PLAGL1: variants seen among roughly 807,000 people sequenced by gnomAD.
The protein encoded by PLAGL1 is zinc finger protein PLAGL1.
A neutral mutation model predicts 4.6 loss-of-function variants in PLAGL1; 1 was observed. That is an observed-to-expected ratio of 0.22 (90% confidence interval 0.08 to 1.03). The LOEUF (loss-of-function observed/expected upper bound fraction) is 1.03. Among genes scored for constraint, PLAGL1 ranks in the 50% least tolerant of loss-of-function variants. PLAGL1 has a pLI of 0.58. For synonymous variants in PLAGL1, 240 were observed against 237.8 expected (o/e 1.01, Z -0.08); for missense variants, 464 against 570.4 (o/e 0.81, Z 1.90).
rs1791846764 is a variant in PLAGL1, at chr6:143,997,286, G to A, written c.-584+10804C>T. ...GCCTAACAATTCTAGTCTCAGATTTGTTCCTTGGCAAAATACTGCAAATGT... is the reference window on the plus strand; with the variant it reads ...GCCTAACAATTCTAGTCTCAGATTTATTCCTTGGCAAAATACTGCAAATGT... On this transcript the variant is annotated intron_variant, in intron 1 of 7. Transcript: ENST00000674357. This position sits in a 1 kb window ranked among gnomAD's most constrained non-coding sequence, Gnocchi z 4.6. Among the ~76,000 whole-genome samples the A allele has an allele frequency of 1.3e-5, 2 of 152,168 alleles. No individual in the cohort carries two copies.
At chr6:144,030,281 A>AAAAGAAG (rs1296064916) in intron 1 of PLAGL1, among the ~76,000 whole-genome samples, 2 of 132,902 alleles carry the variant, frequency 1.5e-5, no homozygotes, top group African/African-American at 6.3e-5. Context: ...AAAAAAAAAA[A>AAAAGAAG]AAGAAGATGT....
chr6:144,030,509 C>T (rs1048485854), intron 1 of PLAGL1, among the ~76,000 whole-genome samples: 1 of 152,140 alleles, frequency 6.6e-6, no homozygotes, highest in Admixed American at 6.5e-5. Flanking sequence ...CCAACCTTTT[C>T]CCCCAAGTCC....
At chr6:143,946,049 G>T (rs1455452426) in intron 7 of PLAGL1, among the ~76,000 whole-genome samples, 3 of 151,686 alleles carry the variant, frequency 2.0e-5, no homozygotes, top group Non-Finnish European at 2.9e-5. Flanking sequence ...AACATGCGGG[G>T]TACTGATTCT....
At position 144,055,779 on chromosome 6, in the gene PLAGL1, C is replaced by T. The variant is rs546326383; in HGVS notation, c.-151+8689G>A. ...GTGAAAGCTACATTTACATTATTAA[C>T]GATAACAAGTCCTGGAAGAAAGAAC... On this transcript the variant is annotated intron_variant, in intron 1 of 3. Transcript: ENST00000437412. This position sits in a 1 kb window ranked among gnomAD's most constrained non-coding sequence, Gnocchi z 5.0. Among the ~76,000 whole-genome samples, 41 of 152,268 alleles carry T rather than the reference C, an allele frequency of 2.7e-4. 1 individual carries two copies. The highest frequency in any genetic ancestry group is 9.4e-4 in the African/African-American group (39 of 41,540).
chr6:143,942,800 T>G lies in PLAGL1; in HGVS notation c.153-137A>C. 1.6e-6 allele frequency: 1 copy of G among 616,000 alleles called. No individual in the cohort carries two copies. Among genetic ancestry groups the G allele is most frequent in the Non-Finnish European group, 2.7e-6 (1 of 370,578 alleles). 38.2% of individuals were successfully genotyped at this position (616,000 alleles called of 1,614,324 possible). A position where few individuals can be genotyped will look rare whatever the true frequency, so the allele number is the denominator to read the frequency against. ...ATTTTCAAAATTCTTTCATATATTTTCCAAATATATAAACTTTTATAATTA... is the reference window on the plus strand; with the variant it reads ...ATTTTCAAAATTCTTTCATATATTTGCCAAATATATAAACTTTTATAATTA... On this transcript the variant is annotated intron_variant, in intron 7 of 7. Transcript: ENST00000674357. This position sits in a 1 kb window ranked among gnomAD's most constrained non-coding sequence, Gnocchi z 7.6.
chr6:144,027,234 CGAAAGAAAGAAAGAAA>C lies in PLAGL1; in HGVS notation c.-151+37218_-151+37233del, dbSNP rs67928472. Among the ~76,000 whole-genome samples, 2,852 of 111,634 alleles carry C rather than the reference CGAAAGAAAGAAAGAAA, an allele frequency of 0.026. 70 individuals carry two copies. The highest frequency in any genetic ancestry group is 0.064 in the Middle Eastern group (15 of 236). The allele number at this position is 111,634 out of a possible 152,430, so 73.2% of individuals were successfully genotyped here. A position where few individuals can be genotyped will look rare whatever the true frequency, so the allele number is the denominator to read the frequency against. On this transcript the variant is annotated intron_variant, in intron 1 of 3. Transcript: ENST00000437412. This position sits in a 1 kb window ranked among gnomAD's most constrained non-coding sequence, Gnocchi z 5.8. ...GAAAGACCCCAACTCAAAGAACGAA[CGAAAGAAAGAAAGAAA>C]GAAAGAAAGAAAGAAAGAAAGAAAG...
At position 144,000,343 on chromosome 6, in the gene PLAGL1, T is replaced by C. The variant is rs1408902864; in HGVS notation, c.-584+7747A>G. Among the ~76,000 whole-genome samples, 1 of 152,116 alleles carries C rather than the reference T, an allele frequency of 6.6e-6. No individual in the cohort carries two copies. Among genetic ancestry groups the C allele is most frequent in the Non-Finnish European group, 1.5e-5 (1 of 67,976 alleles). On this transcript the variant is annotated intron_variant, in intron 1 of 7. Coordinates refer to ENST00000674357, the MANE Select transcript of PLAGL1 (RefSeq NM_001317162.2). The surrounding 1 kb of genome is among the most constrained non-coding windows in gnomAD (Gnocchi z 4.1). ...AAAGAAAAAAATCATTTCTTGCAAA[T>C]TATGTATTTATGTAAATGGAAATAT...
In PLAGL1 at chr6:143,947,912, C is replaced by T; in HGVS notation, c.152+73G>A. On this transcript the variant is annotated intron_variant, in intron 7 of 7. Transcript: ENST00000674357. This position sits in a 1 kb window ranked among gnomAD's most constrained non-coding sequence, Gnocchi z 4.3. ...ATCCTGTGTCCCTTTCCCCTTGCAT[C>T]GTGTGGTCTGAGGGCTAGAAAAGCC... 2.4e-6 allele frequency: 3 copies of T among 1,256,372 alleles called. No individual in the cohort carries two copies. Among genetic ancestry groups the T allele is most frequent in the Non-Finnish European group, 3.4e-6 (3 of 871,716 alleles). The allele number at this position is 1,256,372 out of a possible 1,614,324, so 77.8% of individuals were successfully genotyped here. A position where few individuals can be genotyped will look rare whatever the true frequency, so the allele number is the denominator to read the frequency against.
intron 1 of PLAGL1, among the ~76,000 whole-genome samples, chr6:143,996,315 G>C (rs970902292): frequency 1.3e-5 from 2 of 152,170 alleles, no homozygotes; most frequent in Admixed American, 6.5e-5. Flanking sequence ...GACCAAGAAG[G>C]CTTCAATGAG....
In PLAGL1 at chr6:143,973,595, G is replaced by A. The variant is rs1011850202; in HGVS notation, c.-543-4617C>T. ...TCCTCCATCCTACAACCCTACAAGC[G>A]ATAGTCTCACTGAACAATCTGCAAC... On this transcript the variant is annotated intron_variant, in intron 2 of 7. Transcript: ENST00000674357. The surrounding 1 kb of genome is among the most constrained non-coding windows in gnomAD (Gnocchi z 6.2). Among the ~76,000 whole-genome samples, 1 of 152,088 alleles carries A rather than the reference G, an allele frequency of 6.6e-6. No individual in the cohort carries two copies. The highest frequency in any genetic ancestry group is 1.5e-5 in the Non-Finnish European group (1 of 68,018).
rs900073261 is a variant in PLAGL1 at position 143,953,042 on chromosome 6, A to G, written c.-324-4582T>C. Reference sequence around the variant, plus strand: ...GGATCACTCCACTTGCTGTTTCCTTAAAGTGCTACTTTCTCTCACGCTTCT... The same window carrying G: ...GGATCACTCCACTTGCTGTTTCCTTGAAGTGCTACTTTCTCTCACGCTTCT... On this transcript the variant is annotated intron_variant, in intron 6 of 7. Transcript: ENST00000674357. The surrounding 1 kb of genome is among the most constrained non-coding windows in gnomAD (Gnocchi z 5.3). Among the ~76,000 whole-genome samples, 37 of 152,216 alleles carry G rather than the reference A, an allele frequency of 2.4e-4. No homozygotes were observed. Among genetic ancestry groups the G allele is most frequent in the Non-Finnish European group, 1.5e-5 (1 of 68,032 alleles).
rs1305501738 is a variant in PLAGL1, at chr6:143,945,908, C to T, written c.152+2077G>A. Among the ~76,000 whole-genome samples the T allele has an allele frequency of 1.3e-5, 2 of 152,202 alleles. No homozygotes were observed. The stretch of plus-strand genomic sequence containing the variant: ...GCGGTTCTTGCATAAAGTACACTGA[C>T]AGCTTCCCTTTTTGCCTCTCTTTAC... On this transcript the variant is annotated intron_variant, in intron 7 of 7. Coordinates refer to ENST00000674357, the MANE Select transcript of PLAGL1 (RefSeq NM_001317162.2). This position sits in a 1 kb window ranked among gnomAD's most constrained non-coding sequence, Gnocchi z 4.2.
chr6:144,051,242 T>C (rs1798562418), intron 1 of PLAGL1, among the ~76,000 whole-genome samples: 1 of 152,146 alleles, frequency 6.6e-6, no homozygotes, highest in Admixed American at 6.5e-5. Context: ...GAAACCACAA[T>C]AAGCAAAAGT....
intron 1 of PLAGL1, among the ~76,000 whole-genome samples, chr6:144,043,850 T>C (rs558003234): frequency 6.6e-6 from 1 of 152,338 alleles, no homozygotes; most frequent in Admixed American, 6.5e-5. Flanking sequence ...TGCCTCAATT[T>C]CAGGGCCTGT....
At chr6:143,991,412 GATAC>G (rs1790450861) in intron 1 of PLAGL1, among the ~76,000 whole-genome samples, 1 of 152,120 alleles carries the variant, frequency 6.6e-6, no homozygotes, top group Non-Finnish European at 1.5e-5. Context: ...GGGGGGCCGT[GATAC>G]TGAATTTTGG....
At position 143,950,284 on chromosome 6, in the gene PLAGL1, C is replaced by T. The variant is rs1196345084; in HGVS notation, c.-324-1824G>A. On this transcript the variant is annotated intron_variant, in intron 6 of 7. Coordinates refer to ENST00000674357, the MANE Select transcript of PLAGL1 (RefSeq NM_001317162.2). This position sits in a 1 kb window ranked among gnomAD's most constrained non-coding sequence, Gnocchi z 6.3. ...GTGTGACTTTAACTAATTACCTGTCCCGGCTCTGCCCAAACCCCTTTCCCC... is the reference window on the plus strand; with the variant it reads ...GTGTGACTTTAACTAATTACCTGTCTCGGCTCTGCCCAAACCCCTTTCCCC... 1.3e-5 allele frequency among the ~76,000 whole-genome samples: 2 copies of T among 152,182 alleles called. No homozygotes were observed.
rs1308099085 is a variant in PLAGL1, at chr6:144,050,735, AT to A, written c.-151+13732del. Among the ~76,000 whole-genome samples the A allele has an allele frequency of 1.1e-4, 17 of 151,858 alleles. No individual in the cohort carries two copies. Among genetic ancestry groups the A allele is most frequent in the South Asian group, 2.1e-4 (1 of 4,806 alleles). ...TGAGACCCTGTTTCTACAAAAAAAA[AT>A]TTTTTTTTAAGTAAATCAGGTGTGG... On this transcript the variant is annotated intron_variant, in intron 1 of 3. Transcript: ENST00000437412. The surrounding 1 kb of genome is among the most constrained non-coding windows in gnomAD (Gnocchi z 4.3).
Position 143,959,227 on chromosome 6 carries a change from T to G in PLAGL1, c.-325+1242A>C, listed in dbSNP as rs948953059. On this transcript the variant is annotated intron_variant, in intron 6 of 7. Transcript: ENST00000674357. This position sits in a 1 kb window ranked among gnomAD's most constrained non-coding sequence, Gnocchi z 5.3. ...TCCCCTGCTTGCCTTGCAATCATAC[T>G]GTCCACCCTGCTTTGGCTGGCCCCC... Among the ~76,000 whole-genome samples the G allele has an allele frequency of 3.3e-5, 5 of 152,220 alleles. No homozygotes were observed. Among genetic ancestry groups the G allele is most frequent in the Non-Finnish European group, 5.9e-5 (4 of 68,030 alleles).
At chr6:144,045,075 G>A (rs760143373) in intron 1 of PLAGL1, among the ~76,000 whole-genome samples, 32 of 130,174 alleles carry the variant, frequency 2.5e-4, no homozygotes, top group Non-Finnish European at 3.7e-4. Flanking sequence ...GCCTATGTGT[G>A]TCTCTGCATG....
Sources: allele counts gnomAD v4.1 joint callset (sites outside exome capture counted in the v4.1 genomes callset), GRCh38; gene constraint gnomAD v4.1.1; non-coding constraint Gnocchi (gnomAD v3.1); transcripts MANE v1.5; gene names NCBI Gene and HGNC (gene_info 2026-07-23, HGNC 2026-07-21).